The following DSCAM variants were observed in gnomAD, a reference collection of about 807,000 sequenced individuals.
DSCAM encodes the protein cell adhesion molecule DSCAM.
A neutral mutation model predicts 217.7 loss-of-function variants in DSCAM; 47 were observed. That is an observed-to-expected ratio of 0.22 (90% CI 0.17 to 0.28). The LOEUF is 0.28. DSCAM is among the 10% of genes least tolerant of loss of function. The probability of loss-of-function intolerance (pLI) is 1.00; values close to 1 mark genes in which losing one functional copy is unlikely to be tolerated. For missense variants in DSCAM, 2,080 were observed against 2,618.3 expected, an observed-to-expected ratio of 0.79 and a Z score of 4.49; for synonymous variants, 1,056 against 1,015.3, an observed-to-expected ratio of 1.04 and a Z score of -0.76.
intron 3 of DSCAM, among the ~76,000 whole-genome samples, chr21:40,423,200 G>A (rs4818129): frequency 0.37 from 56,497 of 152,092 alleles, 12,486 homozygotes; most frequent in South Asian, 0.48. Flanking sequence ...TGGCATATGC[G>A]AGCATCTAGA....
intron 11 of DSCAM, among the ~76,000 whole-genome samples, chr21:40,268,555 TAAC>T (rs1264774632): frequency 6.6e-6 from 1 of 150,586 alleles, no homozygotes; most frequent in Admixed American, 6.6e-5. Flanking sequence ...AAAAAAATAA[TAAC>T]ATTTTAGTTG....
At chr21:40,304,377 G>T (rs929774199) in intron 9 of DSCAM, among the ~76,000 whole-genome samples, 2 of 152,232 alleles carry the variant, frequency 1.3e-5, no homozygotes, top group Admixed American at 6.5e-5. Flanking sequence ...AGGGAATGTG[G>T]TGGCTGGTTT....
Position 40,403,661 on chromosome 21 carries a change from AC to A in DSCAM, c.509-34417del, listed in dbSNP as rs796274009. Among the ~76,000 whole-genome samples the A allele has an allele frequency of 1.1e-4, 17 of 149,092 alleles. No homozygotes were observed. In the East Asian group the frequency reaches 1.6e-3, roughly 14 times the overall value. On this transcript the variant is annotated intron_variant, in intron 3 of 32. Coordinates refer to ENST00000400454, the MANE Select transcript of DSCAM (RefSeq NM_001389.5). ...CACACACACACACACACACACACACACAATACACATGCCCTTCTCTCTGTAG... is the reference window on the plus strand; with the variant it reads ...CACACACACACACACACACACACACAAATACACATGCCCTTCTCTCTGTAG...
At chr21:40,770,147 C>A (rs1249488506) in intron 1 of DSCAM, among the ~76,000 whole-genome samples, 1 of 152,118 alleles carries the variant, frequency 6.6e-6, no homozygotes, top group African/African-American at 2.4e-5. Flanking sequence ...AATTATCTTC[C>A]TAAAAACAAA....
chr21:40,253,644 T>C (rs966559474), intron 11 of DSCAM, among the ~76,000 whole-genome samples: 1 of 152,218 alleles, frequency 6.6e-6, no homozygotes, highest in Non-Finnish European at 1.5e-5. Context: ...ATGTGGCCAA[T>C]GATTTAATCA....
intron 11 of DSCAM, among the ~76,000 whole-genome samples, chr21:40,231,987 A>T (rs1477158611): frequency 6.6e-6 from 1 of 152,228 alleles, no homozygotes; most frequent in Non-Finnish European, 1.5e-5. Flanking sequence ...TAGGTGATTA[A>T]TATTTATCTT....
intron 10 of DSCAM, among the ~76,000 whole-genome samples, chr21:40,287,267 G>C (rs1353535365): frequency 6.6e-6 from 1 of 152,262 alleles, no homozygotes; most frequent in African/African-American, 2.4e-5. Flanking sequence ...TCTCTTGACT[G>C]CTGAGGAAGG....
At chr21:40,173,209 C>A (rs183143789) in intron 15 of DSCAM, among the ~76,000 whole-genome samples, 1 of 152,130 alleles carries the variant, frequency 6.6e-6, no homozygotes, top group African/African-American at 2.4e-5. Context: ...CTGATACAAG[C>A]GACTGCTAGA....
intron 11 of DSCAM, among the ~76,000 whole-genome samples, chr21:40,216,196 C>G (rs1038896808): frequency 6.6e-6 from 1 of 152,048 alleles, no homozygotes; most frequent in Non-Finnish European, 1.5e-5. Flanking sequence ...AACTCCTGGG[C>G]TCAAGTGATC....
intron 3 of DSCAM, among the ~76,000 whole-genome samples, chr21:40,653,944 A>T (rs905950797): frequency 6.6e-6 from 1 of 151,838 alleles, no homozygotes; most frequent in Non-Finnish European, 1.5e-5. Flanking sequence ...AAACTATAAA[A>T]ACTAGCCAGG....
At chr21:40,755,760 T>C (rs2837811) in intron 1 of DSCAM, among the ~76,000 whole-genome samples, 44,976 of 152,098 alleles carry the variant, frequency 0.3, 7,750 homozygotes, top group East Asian at 0.39. Flanking sequence ...TGCTCATACA[T>C]CTTGAAATGA....
At chr21:40,035,312 G>A (rs1330248631) in intron 32 of DSCAM, among the ~76,000 whole-genome samples, 1 of 94,780 alleles carries the variant, frequency 1.1e-5, no homozygotes, top group African/African-American at 4.8e-5. Flanking sequence ...ATAAAAGGAT[G>A]GAGGAAGATC....
At chr21:40,774,979 CAT>C (rs1465770538) in intron 1 of DSCAM, among the ~76,000 whole-genome samples, 1 of 47,304 alleles carries the variant, frequency 2.1e-5, no homozygotes, top group African/African-American at 8.3e-5. Context: ...AATTATATAA[CAT>C]ATAATTATAA....
chr21:40,344,977 A>G (rs1222367034), intron 6 of DSCAM, among the ~76,000 whole-genome samples: 2 of 152,074 alleles, frequency 1.3e-5, no homozygotes, highest in Non-Finnish European at 2.9e-5. Flanking sequence ...CTTTCTCTCC[A>G]TGCTTCAGAT....
chr21:40,039,255 G>T (rs1312533435), intron 32 of DSCAM, among the ~76,000 whole-genome samples: 1 of 151,742 alleles, frequency 6.6e-6, no homozygotes. Context: ...ACCAATGTAG[G>T]TTTTTGAATA....
Position 40,352,450 on chromosome 21 carries a change from C to G in DSCAM, c.934+1015G>C, listed in dbSNP as rs546062871. Among the ~76,000 whole-genome samples the G allele has an allele frequency of 2.0e-5, 3 of 152,224 alleles. No homozygotes were observed. The East Asian group carries it at 5.8e-4, about 29-fold the overall frequency. On this transcript the variant is annotated intron_variant, in intron 5 of 32. Coordinates refer to ENST00000400454, the MANE Select transcript of DSCAM (RefSeq NM_001389.5). ...TATTTGCAGGATTCAGGCTGGACAG[C>G]CTGTTCCAGATAGAGAGTCATTTGG... is the stretch of plus-strand genomic sequence containing the variant.
chr21:40,044,126 C>T lies in DSCAM; in HGVS notation c.5335G>A (p.Val1779Ile), dbSNP rs774310993. The T allele has an allele frequency of 5.6e-6, 9 of 1,614,002 alleles. No individual in the cohort carries two copies. Among genetic ancestry groups the T allele is most frequent in the Non-Finnish European group, 7.6e-6 (9 of 1,180,034 alleles). Residue 1779 changes from valine to isoleucine, a missense_variant, in exon 31 of 33, where the codon GTA (valine) becomes ATA (isoleucine). By Grantham distance (29) the Val-to-Ile change is conservative. Transcript: ENST00000400454. ...RLPTPRAAGSVDKESDSYSVS... is the reference protein window; with the variant it reads ...RLPTPRAAGSIDKESDSYSVS... Reference sequence around the variant, plus strand: ...CTGTAACTGTCGCTCTCTTTGTCTACTGATCCTGCAGCCCTGGGTGTTGGC... The same window carrying T: ...CTGTAACTGTCGCTCTCTTTGTCTATTGATCCTGCAGCCCTGGGTGTTGGC...
intron 2 of DSCAM, among the ~76,000 whole-genome samples, chr21:40,705,605 G>A (rs1304299331): frequency 6.6e-6 from 1 of 152,180 alleles, no homozygotes. Context: ...GCAAGCAACG[G>A]AAGTGCCAGA....
At position 40,144,848 on chromosome 21, in the gene DSCAM, G is replaced by A. The variant is rs2090336248; in HGVS notation, c.3019-117C>T. 7.0e-7 allele frequency: 1 copy of A among 1,435,516 alleles called. No homozygotes were observed. Among genetic ancestry groups the A allele is most frequent in the Non-Finnish European group, 9.4e-7 (1 of 1,060,326 alleles). 88.9% of individuals were successfully genotyped at this position (1,435,516 alleles called of 1,614,324 possible). ...AAGTGGAGTCATCGCCACGATGCTG[G>A]GGCGGTGGTCCGGTAGCAGCCGCAA... On this transcript the variant is annotated intron_variant, in intron 16 of 32. Transcript: ENST00000400454. This position sits in a 1 kb window ranked among gnomAD's most constrained non-coding sequence, Gnocchi z 4.8.
Sources: gnomAD v4.1 joint callset for allele counts (sites outside exome capture counted in the v4.1 genomes callset) on GRCh38, gnomAD v4.1.1 for gene constraint, Gnocchi (gnomAD v3.1) non-coding constraint, MANE v1.5 for transcripts, NCBI Gene and HGNC (gene_info 2026-07-23, HGNC 2026-07-21) for gene names.